Variants in EPHA6 observed in about 807,000 individuals in gnomAD.
The protein encoded by EPHA6 is EPH receptor A6.
A neutral mutation model predicts 112.0 loss-of-function variants in EPHA6; 50 were observed. The ratio of observed to expected loss-of-function variants is 0.45; its 90% CI spans 0.36 to 0.56. The LOEUF is 0.56. Ranked by LOEUF, EPHA6 falls within the 20% of genes least tolerant of loss-of-function variation. EPHA6 has a pLI of 0.00. For synonymous variants in EPHA6, 529 were observed against 490.7 expected (o/e 1.08, Z -1.03); for missense variants, 1,280 against 1,417.4 (o/e 0.90, Z 1.56).
Position 97,563,146 on chromosome 3 carries a change from C to T in EPHA6, c.2387-29466C>T, listed in dbSNP as rs529142014. Among the ~76,000 whole-genome samples the T allele has an allele frequency of 4.6e-5, 7 of 151,942 alleles. No homozygotes were observed. In the South Asian group the frequency reaches 6.3e-4, roughly 14 times the overall value. On this transcript the variant is annotated intron_variant, in intron 11 of 17. Transcript: ENST00000389672. ...GTATCTCTGAGGTATTCTTGTAATG[C>T]GTAATATAATATAATGGATTGACAG...
intron 5 of EPHA6, among the ~76,000 whole-genome samples, chr3:97,291,168 T>C (rs2080668027): frequency 6.6e-6 from 1 of 152,222 alleles, no homozygotes; most frequent in African/African-American, 2.4e-5. Context: ...TTAATTTCTA[T>C]ATGTTCATAC....
intron 15 of EPHA6, among the ~76,000 whole-genome samples, chr3:97,734,778 C>T (rs187848588): frequency 3.3e-5 from 5 of 152,050 alleles, no homozygotes; most frequent in Admixed American, 6.6e-5. Context: ...TCTGTTCCTC[C>T]GTTTTCCAAA....
At chr3:97,130,065 G>T (rs1326080954) in intron 3 of EPHA6, among the ~76,000 whole-genome samples, 1 of 152,010 alleles carries the variant, frequency 6.6e-6, no homozygotes, top group Admixed American at 6.5e-5. Context: ...TCTCTCATAT[G>T]ATCAAAATAA....
At chr3:96,962,458 C>T (rs1011184372) in intron 2 of EPHA6, among the ~76,000 whole-genome samples, 1 of 149,432 alleles carries the variant, frequency 6.7e-6, no homozygotes, top group Non-Finnish European at 1.5e-5. Context: ...TGATCTTCAT[C>T]CTGTTTCCAG....
intron 3 of EPHA6, among the ~76,000 whole-genome samples, chr3:97,036,381 TATA>T (rs1345151112): frequency 6.6e-6 from 1 of 152,024 alleles, no homozygotes; most frequent in African/African-American, 2.4e-5. Context: ...CACCAAATAG[TATA>T]ATAACTATTA....
At chr3:96,879,292 T>C (rs764402248) in intron 2 of EPHA6, among the ~76,000 whole-genome samples, 7 of 152,074 alleles carry the variant, frequency 4.6e-5, no homozygotes, top group African/African-American at 7.2e-5. Context: ...AATTCAAATT[T>C]ATTTCTATCT....
At chr3:97,212,632 G>T (rs1431474453) in intron 3 of EPHA6, among the ~76,000 whole-genome samples, 1 of 151,986 alleles carries the variant, frequency 6.6e-6, no homozygotes, top group Non-Finnish European at 1.5e-5. Context: ...TCCAAATAAT[G>T]CTGTAACCTT....
Position 97,226,238 on chromosome 3 carries a change from A to G in EPHA6, c.1115-26A>G, listed in dbSNP as rs558696873. Reference sequence around the variant, plus strand: ...AAAGAATCCTAGCAATAATAACTAAAAAAGTGTTTTTTTCTCTTTTTACAG... The same window carrying G: ...AAAGAATCCTAGCAATAATAACTAAGAAAGTGTTTTTTTCTCTTTTTACAG... On this transcript the variant is annotated intron_variant, in intron 3 of 17. Coordinates refer to ENST00000389672, the MANE Select transcript of EPHA6 (RefSeq NM_001080448.3). 7.7e-5 allele frequency: 122 copies of G among 1,576,844 alleles called. No individual in the cohort carries two copies. In the South Asian group the frequency reaches 1.3e-3, roughly 17 times the overall value.
At chr3:96,996,510 T>C (rs1392847149) in intron 3 of EPHA6, among the ~76,000 whole-genome samples, 1 of 152,114 alleles carries the variant, frequency 6.6e-6, no homozygotes, top group Non-Finnish European at 1.5e-5. Context: ...CATTTCTCTG[T>C]GATTGATGGA....
At position 97,726,479 on chromosome 3, in the gene EPHA6, T is replaced by C. The variant is rs572038379; in HGVS notation, c.2934+6069T>C. Among the ~76,000 whole-genome samples the C allele has an allele frequency of 5.9e-5, 9 of 152,228 alleles. No homozygotes were observed. The South Asian group carries it at 1.9e-3, about 32-fold the overall frequency. On this transcript the variant is annotated intron_variant, in intron 15 of 17. Coordinates refer to ENST00000389672, the MANE Select transcript of EPHA6 (RefSeq NM_001080448.3). ...GGATTTTTGTCTTGATGTTAAAAATTTATAAAATGTACCATACCGTTACTA... is the reference window on the plus strand; with the variant it reads ...GGATTTTTGTCTTGATGTTAAAAATCTATAAAATGTACCATACCGTTACTA...
chr3:97,101,406 G>T (rs1299675867), intron 3 of EPHA6, among the ~76,000 whole-genome samples: 3 of 151,940 alleles, frequency 2.0e-5, no homozygotes, highest in African/African-American at 7.2e-5. Flanking sequence ...TTGTGTGTCT[G>T]TGTGGCCACT....
chr3:97,102,418 T>G (rs1368495366), intron 3 of EPHA6, among the ~76,000 whole-genome samples: 1 of 151,994 alleles, frequency 6.6e-6, no homozygotes, highest in Admixed American at 6.6e-5. Flanking sequence ...TAAATGTGGG[T>G]AGGGGGATAG....
intron 1 of EPHA6, among the ~76,000 whole-genome samples, chr3:96,858,641 G>A (rs1020422402): frequency 6.6e-6 from 1 of 152,208 alleles, no homozygotes; most frequent in African/African-American, 2.4e-5. Context: ...TTATTCATAA[G>A]CATATTTGTA....
At chr3:97,062,513 T>G (rs1576417074) in intron 3 of EPHA6, among the ~76,000 whole-genome samples, 1 of 152,238 alleles carries the variant, frequency 6.6e-6, no homozygotes, top group South Asian at 2.1e-4. Context: ...TATTAAGAAG[T>G]GGGCAAAGGA....
At chr3:96,819,634 T>C (rs1429886408) in intron 1 of EPHA6, among the ~76,000 whole-genome samples, 1 of 152,234 alleles carries the variant, frequency 6.6e-6, no homozygotes, top group South Asian at 2.1e-4. Flanking sequence ...TATAGTTAGG[T>C]GATCAAAATA....
intron 11 of EPHA6, among the ~76,000 whole-genome samples, chr3:97,572,156 T>C (rs2093339852): frequency 6.7e-6 from 1 of 148,608 alleles, no homozygotes; most frequent in Admixed American, 6.7e-5. Context: ...CCTTTTTTTT[T>C]TTTTTTTTTT....
intron 3 of EPHA6, among the ~76,000 whole-genome samples, chr3:97,188,627 A>G (rs2077219015): frequency 6.6e-6 from 1 of 151,926 alleles, no homozygotes; most frequent in Non-Finnish European, 1.5e-5. Flanking sequence ...TGTCACATAT[A>G]TCATATGTTT....
At chr3:96,864,427 G>A (rs1302374814) in intron 1 of EPHA6, among the ~76,000 whole-genome samples, 1 of 152,046 alleles carries the variant, frequency 6.6e-6, no homozygotes, top group East Asian at 1.9e-4. Flanking sequence ...CATATGTGAA[G>A]TAAGGAAACC....
At chr3:96,946,353 T>A (rs764196132) in intron 2 of EPHA6, among the ~76,000 whole-genome samples, 3 of 141,532 alleles carry the variant, frequency 2.1e-5, no homozygotes, top group Middle Eastern at 3.5e-3. Flanking sequence ...GGCCCCGGTG[T>A]GTGATGTTAC....
Sources: allele counts gnomAD v4.1 joint callset (sites outside exome capture counted in the v4.1 genomes callset), GRCh38; gene constraint gnomAD v4.1.1; transcripts MANE v1.5; gene names NCBI Gene and HGNC (gene_info 2026-07-23, HGNC 2026-07-21).